The following CELF2 variants were observed in gnomAD, a reference collection of about 807,000 sequenced individuals.
CELF2 encodes CUGBP Elav-like family member 2, also known as CUG triplet repeat RNA-binding protein 2.
Under a neutral mutation model 62.6 loss-of-function variants are expected in CELF2, and 8 were observed. That is an observed-to-expected ratio of 0.13 (90% CI 0.07 to 0.23). The LOEUF (loss-of-function observed/expected upper bound fraction) is 0.23, where lower values mean the gene tolerates loss of function less well. Ranked by LOEUF, CELF2 falls within the 10% of genes least tolerant of loss-of-function variation. The pLI is 1.00. For synonymous variants in CELF2, 258 were observed against 250.0 expected (o/e 1.03, Z -0.30); for missense variants, 333 against 671.0 (o/e 0.50, Z 5.56).
the CELF2 span, among the ~76,000 whole-genome samples, chr10:10,470,604 G>C: frequency 6.6e-6 from 1 of 151,720 alleles, no homozygotes; most frequent in Admixed American, 6.6e-5. Flanking sequence ...GGAATACTGA[G>C]TCAAATACTT....
intron 1 of CELF2, among the ~76,000 whole-genome samples, chr10:10,811,507 G>A (rs759655769): frequency 4.6e-5 from 7 of 152,038 alleles, no homozygotes; most frequent in African/African-American, 7.2e-5. Context: ...GGTCTTCCTC[G>A]TGGTTACATT....
intron 1 of CELF2, among the ~76,000 whole-genome samples, chr10:11,032,710 C>A (rs1282715254): frequency 6.6e-6 from 1 of 152,050 alleles, no homozygotes; most frequent in East Asian, 1.9e-4. Flanking sequence ...ATTGTGATGG[C>A]TTTATCCAAA....
At chr10:10,900,435 A>G (rs2062855912) in intron 1 of CELF2, among the ~76,000 whole-genome samples, 2 of 152,234 alleles carry the variant, frequency 1.3e-5, no homozygotes, top group Non-Finnish European at 2.9e-5. Context: ...AATTTATCAC[A>G]TTAATAAGCT....
chr10:10,528,306 G>A, the CELF2 span, among the ~76,000 whole-genome samples: 1 of 152,154 alleles, frequency 6.6e-6, no homozygotes, highest in South Asian at 2.1e-4. Flanking sequence ...GCAGAAAGAA[G>A]GTGAGTGTGG....
Position 11,156,627 on chromosome 10 carries a change from T to G in CELF2, c.75-8859T>G, listed in dbSNP as rs2064460949. ...TTGCGGTATCCCCAGCTCCTTGAAT[T>G]TGTCAGACTCGCGTCATAAATATGA... On this transcript the variant is annotated intron_variant, in intron 1 of 12. Transcript: ENST00000633077. This position sits in a 1 kb window ranked among gnomAD's most constrained non-coding sequence, Gnocchi z 4.3. 6.6e-6 allele frequency among the ~76,000 whole-genome samples: 1 copy of G among 152,164 alleles called. No individual in the cohort carries two copies. Among genetic ancestry groups the G allele is most frequent in the African/African-American group, 2.4e-5 (1 of 41,430 alleles).
chr10:10,728,648 A>G, the CELF2 span, among the ~76,000 whole-genome samples: 1 of 152,088 alleles, frequency 6.6e-6, no homozygotes, highest in African/African-American at 2.4e-5. Context: ...GGACTTTTGT[A>G]AAGCATTTCT....
At position 11,005,325 on chromosome 10, in the gene CELF2, T is replaced by A; in HGVS notation, c.-63T>A. The A allele has an allele frequency of 1.2e-6, 2 of 1,608,970 alleles. No individual in the cohort carries two copies. Among genetic ancestry groups the A allele is most frequent in the Non-Finnish European group, 1.7e-6 (2 of 1,177,330 alleles). ...AGAGGGCGCGTTAGTGAGCAGCGACTGTGGCATTGATGTTTGAGCATACTT... is the reference window on the plus strand; with the variant it reads ...AGAGGGCGCGTTAGTGAGCAGCGACAGTGGCATTGATGTTTGAGCATACTT... On this transcript the variant is annotated 5_prime_UTR_variant, in exon 1 of 13. Transcript: ENST00000416382. The surrounding 1 kb of genome is among the most constrained non-coding windows in gnomAD (Gnocchi z 4.3).
At chr10:11,038,948 C>T (rs377450910) in intron 1 of CELF2, among the ~76,000 whole-genome samples, 8 of 152,260 alleles carry the variant, frequency 5.3e-5, no homozygotes, top group African/African-American at 1.7e-4. Flanking sequence ...TCTTTGAGAT[C>T]GAGGTGGAGC....
chr10:10,646,149 G>A, the CELF2 span, among the ~76,000 whole-genome samples: 1 of 152,148 alleles, frequency 6.6e-6, no homozygotes, highest in Non-Finnish European at 1.5e-5. Flanking sequence ...ATGAGACAGG[G>A]CATCTGAGAT....
rs1051237193 is a variant in CELF2 at position 11,126,847 on chromosome 10, A to C, written c.75-38639A>C. On this transcript the variant is annotated intron_variant, in intron 1 of 12. Coordinates refer to ENST00000633077, the MANE Select transcript of CELF2 (RefSeq NM_001326342.2). ...CTGGGGATATAGTTGCTCTTCAGCC[A>C]TCTGTGGTCATTCATACTTTTTTTT... 4.0e-5 allele frequency among the ~76,000 whole-genome samples: 6 copies of C among 150,436 alleles called. No individual in the cohort carries two copies. In the South Asian group the frequency reaches 1.0e-3, roughly 26 times the overall value.
chr10:10,522,488 A>G, the CELF2 span, among the ~76,000 whole-genome samples: 4 of 152,378 alleles, frequency 2.6e-5, no homozygotes, highest in East Asian at 5.8e-4. Flanking sequence ...TACCATCTAC[A>G]GGGCACTCCA....
chr10:10,876,537 T>C (rs1313153414), intron 1 of CELF2, among the ~76,000 whole-genome samples: 2 of 152,198 alleles, frequency 1.3e-5, no homozygotes, highest in Admixed American at 6.5e-5. Context: ...TGTCTTCTAA[T>C]GAGATGTAGC....
chr10:11,013,501 G>T (rs1021881243), upstream of CELF2, among the ~76,000 whole-genome samples: 2 of 152,096 alleles, frequency 1.3e-5, no homozygotes, highest in African/African-American at 2.4e-5. The surrounding 1 kb of genome is among the most constrained non-coding windows in gnomAD (Gnocchi z 4.1). Context: ...CAGCTTGAAG[G>T]CCTCTTCACA....
chr10:10,799,409 A>C (rs2054417371), intron 1 of CELF2, among the ~76,000 whole-genome samples: 1 of 152,102 alleles, frequency 6.6e-6, no homozygotes, highest in Non-Finnish European at 1.5e-5. Flanking sequence ...GCTTAAACTT[A>C]GGAGGTGGAG....
chr10:10,761,954 G>GTGTGTA, the CELF2 span, among the ~76,000 whole-genome samples: 942 of 141,546 alleles, frequency 6.7e-3, 10 homozygotes, highest in South Asian at 0.019. Flanking sequence ...GTGTGTGTGT[G>GTGTGTA]TAGACAGATA....
chr10:10,674,243 G>A, the CELF2 span, among the ~76,000 whole-genome samples: 1 of 152,086 alleles, frequency 6.6e-6, no homozygotes, highest in African/African-American at 2.4e-5. Context: ...TTGTCTTCTT[G>A]GAGAATTGAT....
the CELF2 span, among the ~76,000 whole-genome samples, chr10:10,563,278 A>G: frequency 2.6e-5 from 4 of 152,142 alleles, no homozygotes; most frequent in Admixed American, 6.5e-5. Context: ...GTAGGGTGGG[A>G]GGATCTCAGA....
chr10:10,946,510 A>G (rs1305958197), intron 2 of CELF2: 2 of 152,520 alleles, frequency 1.3e-5, no homozygotes, highest in Non-Finnish European at 2.9e-5. Flanking sequence ...GATAAAACTT[A>G]CCCCTTTTCT....
At chr10:10,622,851 T>C in the CELF2 span, among the ~76,000 whole-genome samples, 5 of 151,368 alleles carry the variant, frequency 3.3e-5, no homozygotes, top group Non-Finnish European at 7.4e-5. Flanking sequence ...CCCAGCACTT[T>C]GGGAGGCCGA....
Sources: gnomAD v4.1 joint callset for allele counts (sites outside exome capture counted in the v4.1 genomes callset) on GRCh38, gnomAD v4.1.1 for gene constraint, Gnocchi (gnomAD v3.1) non-coding constraint, MANE v1.5 for transcripts, NCBI Gene and HGNC (gene_info 2026-07-23, HGNC 2026-07-21) for gene names.